The following CDK6 variants were observed in gnomAD, a reference collection of about 807,000 sequenced individuals.
CDK6 encodes the protein cyclin dependent kinase 6, also known as cyclin-dependent kinase 6.
In CDK6, 6 loss-of-function variants were observed where a neutral mutation model predicts 37.1. The observed-to-expected ratio is 0.16, with a 90% CI of 0.09 to 0.32. CDK6 has a LOEUF of 0.32. CDK6 is among the 10% of genes least tolerant of loss of function. CDK6 has a pLI of 1.00. For missense variants in CDK6, 224 were observed against 418.9 expected (o/e 0.53, Z 4.06); for synonymous variants, 160 against 161.3 (o/e 0.99, Z 0.06).
At chr7:92,812,946 G>A (rs1229662705) in intron 2 of CDK6, among the ~76,000 whole-genome samples, 1 of 152,100 alleles carries the variant, frequency 6.6e-6, no homozygotes, top group Admixed American at 6.5e-5. Flanking sequence ...CCTCTTCTAT[G>A]TCAGAAACAA....
intron 3 of CDK6, among the ~76,000 whole-genome samples, chr7:92,750,822 T>C (rs1799170704): frequency 6.6e-6 from 1 of 152,168 alleles, no homozygotes; most frequent in Non-Finnish European, 1.5e-5. Context: ...GTTTTCGCAA[T>C]ATAAAAATTT....
intron 5 of CDK6, among the ~76,000 whole-genome samples, chr7:92,664,279 T>C (rs182803894): frequency 1.3e-5 from 2 of 152,118 alleles, no homozygotes; most frequent in African/African-American, 2.4e-5. Flanking sequence ...CTGGTTTCCA[T>C]GCACGTGTTT....
chr7:92,732,106 C>T (rs951340171), intron 3 of CDK6, among the ~76,000 whole-genome samples: 1 of 152,176 alleles, frequency 6.6e-6, no homozygotes, highest in Non-Finnish European at 1.5e-5. Flanking sequence ...TTCCCCATTT[C>T]AACACACACT....
At chr7:92,716,920 T>A (rs774001690) in intron 4 of CDK6, among the ~76,000 whole-genome samples, 4 of 152,214 alleles carry the variant, frequency 2.6e-5, no homozygotes, top group Non-Finnish European at 4.4e-5. Context: ...ATCTTCTGGA[T>A]CCCTGAGAAG....
chr7:92,785,461 T>C (rs537879432), intron 2 of CDK6, among the ~76,000 whole-genome samples: 1 of 152,252 alleles, frequency 6.6e-6, no homozygotes, highest in Non-Finnish European at 1.5e-5. Flanking sequence ...TTCCTAAATT[T>C]AGATCATGGT....
At chr7:92,662,932 G>A (rs1443536211) in intron 5 of CDK6, among the ~76,000 whole-genome samples, 5 of 152,242 alleles carry the variant, frequency 3.3e-5, no homozygotes, top group East Asian at 3.9e-4. Context: ...GAAAAAGGCC[G>A]GGTTTTAGTT....
At chr7:92,625,769 A>G (rs1795915141) in intron 5 of CDK6, among the ~76,000 whole-genome samples, 1 of 152,082 alleles carries the variant, frequency 6.6e-6, no homozygotes, top group African/African-American at 2.4e-5. Flanking sequence ...AGAAGTGTAT[A>G]CTGGTATGTC....
chr7:92,716,720 T>A (rs1314526889), intron 4 of CDK6, among the ~76,000 whole-genome samples: 1 of 152,204 alleles, frequency 6.6e-6, no homozygotes, highest in Non-Finnish European at 1.5e-5. Context: ...TATTGAAATG[T>A]TGCTTTATAT....
At chr7:92,618,250 C>T (rs2116485320) in intron 6 of CDK6, 43 bp from the exon 7 acceptor site, 2 of 1,599,430 alleles carry the variant, frequency 1.3e-6, no homozygotes, top group South Asian at 1.1e-5. Flanking sequence ...AGCTACTATG[C>T]AGAAGCTGTT....
At chr7:92,704,371 T>C (rs1477492988) in intron 4 of CDK6, among the ~76,000 whole-genome samples, 1 of 152,198 alleles carries the variant, frequency 6.6e-6, no homozygotes, top group African/African-American at 2.4e-5. Context: ...AAGGCTTTAA[T>C]GATGTGATAG....
chr7:92,683,369 C>A (rs1205529991), intron 4 of CDK6, among the ~76,000 whole-genome samples: 1 of 152,202 alleles, frequency 6.6e-6, no homozygotes, highest in Non-Finnish European at 1.5e-5. Flanking sequence ...AGGTTGCAAG[C>A]AAACCTACTA....
intron 5 of CDK6, among the ~76,000 whole-genome samples, chr7:92,650,823 A>G (rs1277995082): frequency 6.6e-6 from 1 of 151,798 alleles, no homozygotes; most frequent in East Asian, 1.9e-4. Flanking sequence ...CCAGCAAAGC[A>G]TGTTTGATCC....
At chr7:92,683,440 T>C (rs1797380051) in intron 4 of CDK6, among the ~76,000 whole-genome samples, 1 of 152,240 alleles carries the variant, frequency 6.6e-6, no homozygotes, top group African/African-American at 2.4e-5. Flanking sequence ...AGCATAGTTT[T>C]AAAATCCAAG....
chr7:92,618,431 G>A lies in CDK6; in HGVS notation c.699-224C>T, dbSNP rs1485105697. 2.0e-5 allele frequency among the ~76,000 whole-genome samples: 3 copies of A among 152,128 alleles called. No individual in the cohort carries two copies. The South Asian group carries it at 6.2e-4, about 32-fold the overall frequency. ...CACAGAAGAATTGTAAAATTCAGTGGGAGGAGATAAGAGATTGCTCTGGTA... is the reference window on the plus strand; with the variant it reads ...CACAGAAGAATTGTAAAATTCAGTGAGAGGAGATAAGAGATTGCTCTGGTA... On this transcript the variant is annotated intron_variant, in intron 6 of 7. Coordinates refer to ENST00000424848, the MANE Select transcript of CDK6 (RefSeq NM_001145306.2).
rs1403669110 is a variant in CDK6 at position 92,605,681 on chromosome 7, C to T, written c.*9459G>A. On this transcript the variant is annotated 3_prime_UTR_variant, in exon 8 of 8. Transcript: ENST00000424848. ...TTCTTTCTTTCTTCTTCTTTTGCTT[C>T]AAGAGGGCTTTCTGTGTGTAATGGA... The T allele has an allele frequency of 4.3e-6, 1 of 233,282 alleles. No homozygotes were observed. The highest frequency in any genetic ancestry group is 8.5e-6 in the Non-Finnish European group (1 of 118,082). 14.5% of individuals were successfully genotyped at this position (233,282 alleles called of 1,614,324 possible). A position where few individuals can be genotyped will look rare whatever the true frequency, so the allele number is the denominator to read the frequency against.
intron 2 of CDK6, among the ~76,000 whole-genome samples, chr7:92,775,809 A>C (rs867231234): frequency 6.6e-6 from 1 of 152,242 alleles, no homozygotes; most frequent in Non-Finnish European, 1.5e-5. Context: ...TTTTTAAAAA[A>C]AATTGAATAA....
intron 6 of CDK6, among the ~76,000 whole-genome samples, chr7:92,619,127 T>A (rs776862105): frequency 2.0e-4 from 31 of 152,152 alleles, no homozygotes; most frequent in Non-Finnish European, 4.3e-4. Flanking sequence ...CTGATATACA[T>A]CACACACAGT....
At chr7:92,710,926 A>G (rs556978383) in intron 4 of CDK6, 2 of 919,144 alleles carry the variant, frequency 2.2e-6, no homozygotes, top group Non-Finnish European at 2.6e-6. Context: ...ATGCTTTATT[A>G]GAGGACAGGA....
rs796675490 is a variant in CDK6, at chr7:92,759,744, T to A, written c.369+14952A>T. ...AAAAAGAAAGCTTAAAAAAAAACCA[T>A]ACACACAAATTCCCTTTGTTTGGCA... On this transcript the variant is annotated intron_variant, in intron 3 of 7. Coordinates refer to ENST00000424848, the MANE Select transcript of CDK6 (RefSeq NM_001145306.2). Among the ~76,000 whole-genome samples the A allele has an allele frequency of 3.5e-4, 47 of 132,754 alleles. No individual in the cohort carries two copies. The South Asian group carries it at 8.8e-3, about 25-fold the overall frequency. 87.1% of individuals were successfully genotyped at this position (132,754 alleles called of 152,430 possible).
Sources: allele counts gnomAD v4.1 joint callset (sites outside exome capture counted in the v4.1 genomes callset), GRCh38; gene constraint gnomAD v4.1.1; transcripts MANE v1.5; gene names NCBI Gene and HGNC (gene_info 2026-07-23, HGNC 2026-07-21).